APBA2: variants seen among roughly 807,000 people sequenced by gnomAD.
The protein encoded by APBA2 is amyloid-beta A4 precursor protein-binding family A member 2.
In APBA2, 30 loss-of-function variants were observed where a neutral mutation model predicts 75.0. The ratio of observed to expected loss-of-function variants is 0.40; its 90% CI spans 0.30 to 0.54. APBA2 has a LOEUF of 0.54. Ranked by LOEUF, APBA2 falls within the 20% of genes least tolerant of loss-of-function variation. APBA2 has a pLI of 0.49. For missense variants in APBA2, 801 were observed against 1,016.1 expected (o/e 0.79, Z 2.88); for synonymous variants, 444 against 409.6 (o/e 1.08, Z -1.01).
intron 4 of APBA2, among the ~76,000 whole-genome samples, chr15:29,055,658 C>A (rs2041848745): frequency 7.3e-6 from 1 of 136,358 alleles, no homozygotes; most frequent in East Asian, 2.3e-4. Flanking sequence ...GAGAAGAGTT[C>A]ATGAATTTGA....
intron 1 of APBA2, among the ~76,000 whole-genome samples, chr15:28,910,529 A>G (rs577204172): frequency 3.9e-5 from 6 of 152,178 alleles, no homozygotes; most frequent in Non-Finnish European, 2.9e-5. Context: ...AGATCCGAGT[A>G]TTTCCCACCC....
At chr15:28,893,417 T>C (rs1369495940) in intron 1 of APBA2, among the ~76,000 whole-genome samples, 2 of 152,238 alleles carry the variant, frequency 1.3e-5, no homozygotes, top group Admixed American at 1.3e-4. Context: ...AGCCGTCAGC[T>C]GGGTGATGAA....
intron 3 of APBA2, among the ~76,000 whole-genome samples, chr15:29,010,096 G>A (rs939284179): frequency 2.6e-5 from 4 of 152,134 alleles, no homozygotes; most frequent in Non-Finnish European, 4.4e-5. Flanking sequence ...GATTTTTAGT[G>A]GATGCATGGT....
intron 2 of APBA2, among the ~76,000 whole-genome samples, chr15:28,953,546 G>T (rs143912405): frequency 9.2e-5 from 14 of 151,582 alleles, no homozygotes; most frequent in African/African-American, 3.2e-4. Context: ...TCGGACTTTT[G>T]CCCCTTCCAC....
intron 2 of APBA2, among the ~76,000 whole-genome samples, chr15:28,939,397 G>A (rs1199648447): frequency 6.6e-6 from 1 of 152,042 alleles, no homozygotes; most frequent in Non-Finnish European, 1.5e-5. Context: ...TGGACCATAT[G>A]GTAGCTCTTT....
intron 3 of APBA2, among the ~76,000 whole-genome samples, chr15:29,039,153 G>A (rs932080035): frequency 1.4e-4 from 19 of 136,896 alleles, no homozygotes; most frequent in Non-Finnish European, 2.0e-4. Flanking sequence ...GTGTGTGTGT[G>A]TGTATCAGGG....
rs1180590837 is a variant in APBA2 at position 28,886,110 on chromosome 15, T to A, written c.-373T>A. 6.7e-6 allele frequency: 1 copy of A among 149,226 alleles called. No individual in the cohort carries two copies. The highest frequency in any genetic ancestry group is 2.0e-4 in the East Asian group (1 of 5,032). The allele number at this position is 149,226 out of a possible 1,614,324, so 9.2% of individuals were successfully genotyped here. A position where few individuals can be genotyped will look rare whatever the true frequency, so the allele number is the denominator to read the frequency against. On this transcript the variant is annotated 5_prime_UTR_variant, in exon 1 of 15. Transcript: ENST00000683413. ...GCGGCCCTGCGTGCCGTACGCTGCG[T>A]CCGGGGCGCGCCCGCCGCTATTCGG... is the stretch of plus-strand genomic sequence containing the variant.
chr15:29,063,241 G>T (rs2042220111), intron 4 of APBA2, among the ~76,000 whole-genome samples: 15 of 134,632 alleles, frequency 1.1e-4, no homozygotes, highest in Non-Finnish European at 1.5e-4. Flanking sequence ...GTATGGGTAG[G>T]GAGGGAAGTT....
chr15:28,983,049 A>T (rs1050714446), intron 2 of APBA2, among the ~76,000 whole-genome samples: 2 of 152,210 alleles, frequency 1.3e-5, no homozygotes. Flanking sequence ...GTCACTGCCT[A>T]TTGCCCACTC....
At chr15:29,115,055 C>T (rs1268204713) in intron 14 of APBA2, among the ~76,000 whole-genome samples, 6 of 151,948 alleles carry the variant, frequency 3.9e-5, no homozygotes, top group Admixed American at 2.6e-4. Flanking sequence ...AAAGGGGCTG[C>T]AGGCTCTCTG....
chr15:28,922,207 G>C (rs1483283599), intron 2 of APBA2, among the ~76,000 whole-genome samples: 1 of 152,172 alleles, frequency 6.6e-6, no homozygotes, highest in East Asian at 1.9e-4. Flanking sequence ...CCAGGAGGAG[G>C]GGCTGGCAGA....
intron 1 of APBA2, among the ~76,000 whole-genome samples, chr15:28,899,274 C>G (rs2032702226): frequency 6.6e-6 from 1 of 152,240 alleles, no homozygotes; most frequent in Admixed American, 6.5e-5. Flanking sequence ...ACGTCTCTCC[C>G]CACCTGCCTT....
intron 1 of APBA2, among the ~76,000 whole-genome samples, chr15:28,898,919 C>T (rs1035298576): frequency 3.3e-5 from 5 of 152,138 alleles, no homozygotes; most frequent in African/African-American, 7.2e-5. Flanking sequence ...CCGAGTAGGA[C>T]GCTAAGATGT....
At chr15:29,074,840 G>C in intron 4 of APBA2, 81 bp from the exon 5 acceptor site, 2 of 1,312,312 alleles carry the variant, frequency 1.5e-6, no homozygotes, top group Non-Finnish European at 2.2e-6. Context: ...TTACAAAATT[G>C]TATCACATTG....
chr15:29,101,667 G>C lies in APBA2; in HGVS notation c.1407G>C (p.Leu469=). 1 of 1,613,756 alleles carries C rather than the reference G, an allele frequency of 6.2e-7. No homozygotes were observed. The highest frequency in any genetic ancestry group is 8.5e-7 in the Non-Finnish European group (1 of 1,180,038). ...YIADIGNIVV[L]MARRRMPRSA... is the part of the protein sequence containing the mutation. ...CCGACATTGGGAACATTGTAGTGCT[G>C]ATGGCCAGACGCCGCATGCCCCGGT... Residue 469 remains leucine, a synonymous_variant, in exon 10 of 15, where the codon CTG becomes CTC. Transcript: ENST00000683413.
At chr15:29,073,853 C>T (rs1410030584) in intron 4 of APBA2, among the ~76,000 whole-genome samples, 2 of 152,148 alleles carry the variant, frequency 1.3e-5, no homozygotes, top group African/African-American at 2.4e-5. Flanking sequence ...AGAAAATATA[C>T]CTAACCTTAA....
chr15:29,075,890 A>T (rs1488938818), intron 5 of APBA2, among the ~76,000 whole-genome samples, 165 bp from the exon 6 acceptor site: 1 of 152,202 alleles, frequency 6.6e-6, no homozygotes, highest in East Asian at 1.9e-4. Context: ...TGTTGCCTGC[A>T]GCAGACTGGT....
intron 2 of APBA2, among the ~76,000 whole-genome samples, chr15:28,943,678 C>A (rs1354910126): frequency 6.6e-6 from 1 of 152,152 alleles, no homozygotes; most frequent in East Asian, 1.9e-4. Flanking sequence ...TGTTCTGGGC[C>A]TCCTCCATCA....
intron 3 of APBA2, among the ~76,000 whole-genome samples, chr15:29,023,447 T>C (rs961263572): frequency 9.8e-5 from 6 of 61,020 alleles, no homozygotes; most frequent in African/African-American, 4.4e-4. Flanking sequence ...TTTCCTTTTT[T>C]TTTTTTTTTT....
Sources: allele counts gnomAD v4.1 joint callset (sites outside exome capture counted in the v4.1 genomes callset), GRCh38; gene constraint gnomAD v4.1.1; transcripts MANE v1.5; gene names NCBI Gene and HGNC (gene_info 2026-07-23, HGNC 2026-07-21).